XKR4: variants seen among roughly 807,000 people sequenced by gnomAD.
XKR4 encodes the protein XK related 4.
A neutral mutation model predicts 53.9 loss-of-function variants in XKR4; 12 were observed. The observed-to-expected ratio is 0.22, with a 90% CI of 0.14 to 0.36. The LOEUF (loss-of-function observed/expected upper bound fraction) is 0.36. Among genes scored for constraint, XKR4 ranks in the 10% least tolerant of loss-of-function variants. The pLI, the probability that XKR4 is intolerant of heterozygous loss-of-function variation, is 1.00. For synonymous variants in XKR4, 354 were observed against 362.4 expected (o/e 0.98, Z 0.26); for missense variants, 799 against 859.5 (o/e 0.93, Z 0.88).
chr8:55,449,932 T>C, intron 2 of XKR4: 2 of 874,172 alleles, frequency 2.3e-6, no homozygotes, highest in Admixed American at 1.7e-5. Flanking sequence ...TCTATTCTGG[T>C]CACTCTCCAG....
chr8:55,450,654 T>G (rs1805424099), intron 2 of XKR4: 1 of 610,204 alleles, frequency 1.6e-6, no homozygotes, highest in South Asian at 1.6e-5. Flanking sequence ...TACAGGAAGA[T>G]AGTGTGAAGC....
At chr8:55,407,422 C>A (rs939723987) in intron 2 of XKR4, among the ~76,000 whole-genome samples, 4 of 152,206 alleles carry the variant, frequency 2.6e-5, no homozygotes, top group African/African-American at 9.6e-5. Context: ...TTGAGAATTA[C>A]GGACTTAGAA....
chr8:55,365,981 T>C (rs1478276362), intron 2 of XKR4, among the ~76,000 whole-genome samples: 1 of 152,102 alleles, frequency 6.6e-6, no homozygotes, highest in Non-Finnish European at 1.5e-5. Flanking sequence ...GGGGCGCACC[T>C]GGAACATTCC....
rs1387942564 is a variant in XKR4, at chr8:55,224,161, C to T, written c.806+120867C>T. Reference sequence around the variant, plus strand: ...GCCTCCTTCCTCTAAGAATTATATTCTTTTATTCTGTCAGGTACTGATTAT... The same window carrying T: ...GCCTCCTTCCTCTAAGAATTATATTTTTTTATTCTGTCAGGTACTGATTAT... On this transcript the variant is annotated intron_variant, in intron 1 of 2. Transcript: ENST00000327381. Among the ~76,000 whole-genome samples the T allele has an allele frequency of 2.6e-5, 4 of 152,122 alleles. No individual in the cohort carries two copies. The East Asian group carries it at 7.7e-4, about 29-fold the overall frequency.
At position 55,531,014 on chromosome 8, in the gene XKR4, T is replaced by G. The variant is rs938670094; in HGVS notation, c.*6787T>G. Reference sequence around the variant, plus strand: ...ATCATAGTTTTCTGACGCCAGCTCTTACTCTTTTCTACTCTACCACACTGT... The same window carrying G: ...ATCATAGTTTTCTGACGCCAGCTCTGACTCTTTTCTACTCTACCACACTGT... On this transcript the variant is annotated 3_prime_UTR_variant, in exon 3 of 3. Transcript: ENST00000327381. The G allele has an allele frequency of 3.3e-5, 5 of 152,236 alleles. No homozygotes were observed. The highest frequency in any genetic ancestry group is 9.6e-5 in the African/African-American group (4 of 41,458). The allele number at this position is 152,236 out of a possible 1,614,324, so 9.4% of individuals were successfully genotyped here. A position where few individuals can be genotyped will look rare whatever the true frequency, so the allele number is the denominator to read the frequency against.
At chr8:55,479,618 T>C (rs1806066067) in intron 2 of XKR4, among the ~76,000 whole-genome samples, 1 of 152,154 alleles carries the variant, frequency 6.6e-6, no homozygotes, top group African/African-American at 2.4e-5. Context: ...GGAGATTGTT[T>C]TTTGAAAAGA....
At chr8:55,135,993 A>C (rs978060087) in intron 1 of XKR4, among the ~76,000 whole-genome samples, 5 of 151,808 alleles carry the variant, frequency 3.3e-5, no homozygotes, top group Non-Finnish European at 5.9e-5. Flanking sequence ...TCCCGGGTTC[A>C]AGTGATGCTC....
intron 1 of XKR4, among the ~76,000 whole-genome samples, chr8:55,234,035 G>A (rs1245797826): frequency 6.6e-6 from 1 of 152,138 alleles, no homozygotes; most frequent in East Asian, 1.9e-4. Flanking sequence ...TCGATTCCCT[G>A]AAGTCCGAAT....
chr8:55,204,402 A>G (rs1035178271), intron 1 of XKR4, among the ~76,000 whole-genome samples: 1 of 152,180 alleles, frequency 6.6e-6, no homozygotes. Context: ...TTTTCTTTTA[A>G]ATAATTGTGA....
At chr8:55,495,353 C>T (rs1262214040) in intron 2 of XKR4, among the ~76,000 whole-genome samples, 7 of 152,076 alleles carry the variant, frequency 4.6e-5, no homozygotes, top group African/African-American at 1.7e-4. Flanking sequence ...TACAGCTGCA[C>T]CCAAGGAGCT....
intron 2 of XKR4, among the ~76,000 whole-genome samples, chr8:55,506,242 G>T (rs1232977744): frequency 6.6e-6 from 1 of 152,234 alleles, no homozygotes; most frequent in Non-Finnish European, 1.5e-5. Flanking sequence ...TTAGGACAGT[G>T]GGTGATGTAA....
chr8:55,482,702 G>A (rs1026338022), intron 2 of XKR4, among the ~76,000 whole-genome samples: 1 of 152,060 alleles, frequency 6.6e-6, no homozygotes, highest in Non-Finnish European at 1.5e-5. Context: ...TTTGAACTTA[G>A]AAAGGAGTCC....
At chr8:55,312,632 C>A (rs891275227) in intron 1 of XKR4, among the ~76,000 whole-genome samples, 1 of 152,082 alleles carries the variant, frequency 6.6e-6, no homozygotes, top group Non-Finnish European at 1.5e-5. Flanking sequence ...GTTGGAATGT[C>A]GGTAGAACAA....
chr8:55,450,077 C>A, intron 2 of XKR4: 1 of 730,558 alleles, frequency 1.4e-6, no homozygotes, highest in Non-Finnish European at 2.5e-6. Context: ...AGGCGCCATG[C>A]AGCCTTCACG....
At chr8:55,501,096 G>A (rs1446078742) in intron 2 of XKR4, among the ~76,000 whole-genome samples, 1 of 152,156 alleles carries the variant, frequency 6.6e-6, no homozygotes, top group Admixed American at 6.5e-5. Context: ...CGAGGCTTGT[G>A]GCAGATTGGA....
intron 1 of XKR4, among the ~76,000 whole-genome samples, chr8:55,249,632 G>A (rs1450796462): frequency 2.0e-5 from 3 of 152,164 alleles, no homozygotes; most frequent in Non-Finnish European, 4.4e-5. Context: ...CAGTTGTTTG[G>A]CAGCTCCATC....
At chr8:55,289,639 AAG>A (rs1491510519) in intron 1 of XKR4, among the ~76,000 whole-genome samples, 17 of 126,936 alleles carry the variant, frequency 1.3e-4, no homozygotes, top group South Asian at 5.0e-4. Flanking sequence ...GAAAGAAAGA[AAG>A]AAAGAAAGGA....
rs371568709 is a variant in XKR4 at position 55,433,323 on chromosome 8, T to G, written c.1006+75446T>G. On this transcript the variant is annotated intron_variant, in intron 2 of 2. Coordinates refer to ENST00000327381, the MANE Select transcript of XKR4 (RefSeq NM_052898.2). ...TAATGGCATAAAGTAATAGTGAGCC[T>G]ATACAGAAGTCGCTAAATGATGACA... 4.6e-5 allele frequency among the ~76,000 whole-genome samples: 7 copies of G among 152,344 alleles called. No individual in the cohort carries two copies. In the East Asian group the frequency reaches 1.3e-3, roughly 29 times the overall value.
chr8:55,491,510 A>T (rs1261214519), intron 2 of XKR4, among the ~76,000 whole-genome samples: 1 of 147,866 alleles, frequency 6.8e-6, no homozygotes, highest in East Asian at 1.9e-4. Context: ...CTGGTAGGGC[A>T]CATCTGGAGT....
Sources: gnomAD v4.1 joint callset for allele counts (sites outside exome capture counted in the v4.1 genomes callset) on GRCh38, gnomAD v4.1.1 for gene constraint, MANE v1.5 for transcripts, NCBI Gene and HGNC (gene_info 2026-07-23, HGNC 2026-07-21) for gene names.